MAP3K7: variants seen among roughly 807,000 people sequenced by gnomAD.
MAP3K7 encodes TGF-beta activated kinase 1.
MAP3K7 carries 21 observed loss-of-function variants against 84.8 expected under a neutral mutation model. The observed-to-expected ratio is 0.25, with a 90% CI of 0.18 to 0.36. The LOEUF is 0.36. MAP3K7 is among the 10% of genes least tolerant of loss of function. The probability of loss-of-function intolerance (pLI) is 1.00; values close to 1 mark genes in which losing one functional copy is unlikely to be tolerated. For synonymous variants in MAP3K7, 241 were observed against 247.7 expected, an observed-to-expected ratio of 0.97 and a Z score of 0.25; for missense variants, 503 against 747.7, an observed-to-expected ratio of 0.67 and a Z score of 3.82.
chr6:90,527,139 C>A (rs1218644313), intron 13 of MAP3K7, among the ~76,000 whole-genome samples: 1 of 152,190 alleles, frequency 6.6e-6, no homozygotes, highest in African/African-American at 2.4e-5. Context: ...TTAATCACAT[C>A]AACAGATTAA....
In MAP3K7 at chr6:90,552,122, C is replaced by T. The variant is rs746745976; in HGVS notation, c.794G>A (p.Arg265His). The change falls in exon 8 of 17, where the codon CGT becomes CAT. Residue 265 changes from arginine (R) to histidine (H), a missense_variant. Physicochemically the swap from Arg to His is conservative, Grantham distance 29. This residue lies in a region of MAP3K7 where 286 missense variants were observed against 313.6 expected (regional missense o/e 0.91). Transcript: ENST00000369329. ...CTGGGAAGGATCTTTAGACCAACAA[C>T]GAGTCATCAGGCTCTCAATGGGCTT... is the stretch of plus-strand genomic sequence containing the variant. The part of the protein sequence containing the change: ...LPKPIESLMT[R>H]CWSKDPSQRP... 58 of 1,612,726 alleles carry T rather than the reference C, an allele frequency of 3.6e-5. No homozygotes were observed. Among genetic ancestry groups the T allele is most frequent in the Middle Eastern group, 3.3e-4 (2 of 6,080 alleles).
intron 1 of MAP3K7, among the ~76,000 whole-genome samples, chr6:90,578,772 T>C (rs1777170277): frequency 6.6e-6 from 1 of 152,214 alleles, no homozygotes; most frequent in Non-Finnish European, 1.5e-5. Flanking sequence ...AGGTGCTACG[T>C]AGCATAAAAA....
At chr6:90,535,256 A>C (rs1260370801) in intron 13 of MAP3K7, among the ~76,000 whole-genome samples, 3 of 151,970 alleles carry the variant, frequency 2.0e-5, no homozygotes, top group East Asian at 1.9e-4. Flanking sequence ...ATGACTACAA[A>C]GGATCTCCCA....
At chr6:90,548,541 A>T (rs1776077445) in intron 9 of MAP3K7, among the ~76,000 whole-genome samples, 1 of 152,128 alleles carries the variant, frequency 6.6e-6, no homozygotes, top group Admixed American at 6.5e-5. Context: ...TTTCTAGTAG[A>T]TGTAAAGGAA....
Position 90,536,555 on chromosome 6 carries a change from A to G in MAP3K7, c.1292-154T>C, listed in dbSNP as rs919330130. ...AAGTGAGTTTATTGCTAAGAAAAAA[A>G]AAAAAGAAGAGAAAGATGTAAAGAA... On this transcript the variant is annotated intron_variant, in intron 12 of 16. Coordinates refer to ENST00000369329, the MANE Select transcript of MAP3K7 (RefSeq NM_145331.3). 3 of 599,030 alleles carry G rather than the reference A, an allele frequency of 5.0e-6. No homozygotes were observed. In the Admixed American group the frequency reaches 8.9e-5, roughly 18 times the overall value. The allele number at this position is 599,030 out of a possible 1,614,324, so 37.1% of individuals were successfully genotyped here.
chr6:90,586,679 C>A, intron 1 of MAP3K7, 85 bp downstream of exon 1: 11 of 1,505,054 alleles, frequency 7.3e-6, no homozygotes, highest in Non-Finnish European at 9.7e-6. Context: ...AGAGGGGCCC[C>A]GGGAGGCACC....
At chr6:90,516,739 T>A in intron 16 of MAP3K7, 58 bp from the exon 17 acceptor site, 1 of 1,357,980 alleles carries the variant, frequency 7.4e-7, no homozygotes, top group Non-Finnish European at 1.0e-6. Flanking sequence ...CCTTAGTAGC[T>A]GATGATGGAA....
chr6:90,586,949 C>G lies in MAP3K7; in HGVS notation c.-66G>C. On this transcript the variant is annotated 5_prime_UTR_variant, in exon 1 of 17. Transcript: ENST00000369329. ...CCGGACAATCCGGGTGAGACCCGCG[C>G]CCACCCGCCTCCGGACCGACCCTCA... The G allele has an allele frequency of 1.3e-6, 2 of 1,490,316 alleles. No homozygotes were observed. Among genetic ancestry groups the G allele is most frequent in the Non-Finnish European group, 8.9e-7 (1 of 1,128,074 alleles). 92.3% of individuals were successfully genotyped at this position (1,490,316 alleles called of 1,614,324 possible). A position where few individuals can be genotyped will look rare whatever the true frequency, so the allele number is the denominator to read the frequency against.
intron 11 of MAP3K7, among the ~76,000 whole-genome samples, chr6:90,545,701 C>T (rs964177603): frequency 7.9e-5 from 12 of 152,146 alleles, no homozygotes; most frequent in African/African-American, 2.4e-4. Context: ...GTGGCAGACA[C>T]AGCTATCTTC....
chr6:90,561,076 A>G (rs959280505), intron 4 of MAP3K7, among the ~76,000 whole-genome samples: 9 of 150,874 alleles, frequency 6.0e-5, no homozygotes, highest in Middle Eastern at 3.5e-3. Context: ...ATAAAATGTA[A>G]CAATTTGTTT....
chr6:90,525,359 T>C (rs1484079246), intron 13 of MAP3K7, among the ~76,000 whole-genome samples: 1 of 152,170 alleles, frequency 6.6e-6, no homozygotes, highest in Non-Finnish European at 1.5e-5. Flanking sequence ...TTTTAAAAAC[T>C]AATTTTTTTT....
At chr6:90,582,794 A>C (rs774881377) in intron 1 of MAP3K7, among the ~76,000 whole-genome samples, 1 of 151,852 alleles carries the variant, frequency 6.6e-6, no homozygotes, top group African/African-American at 2.4e-5. Flanking sequence ...TTTGTGGTCT[A>C]TAGTTAACTG....
intron 2 of MAP3K7, 135 bp downstream of exon 2, chr6:90,571,562 C>T (rs1406826529): frequency 6.2e-6 from 3 of 482,050 alleles, no homozygotes; most frequent in African/African-American, 6.1e-5. Context: ...ATGGCAGTAC[C>T]TTTGATTAAA....
rs772019658 is a variant in MAP3K7, at chr6:90,547,374, C to T, written c.1094G>A (p.Arg365His). ...NQAKQQSESG[R>H]LSLGASRGSS... ...CCCACGGGAGGCTCCCAAGCTTAAA[C>T]GTCCAGATTCACTCTGTTAAAATTA... The change falls in exon 11 of 17, where the codon CGT (arginine) becomes CAT (histidine). Residue 365 changes from arginine (R) to histidine (H), a missense_variant. This residue lies in a region of MAP3K7 where 286 missense variants were observed against 313.6 expected (regional missense o/e 0.91). Transcript: ENST00000369329. 6.2e-6 allele frequency: 10 copies of T among 1,610,540 alleles called. No individual in the cohort carries two copies. In the African/African-American group the frequency reaches 6.7e-5, roughly 11 times the overall value.
chr6:90,539,040 A>T (rs1029790240), intron 12 of MAP3K7, among the ~76,000 whole-genome samples: 2 of 151,916 alleles, frequency 1.3e-5, no homozygotes, highest in Non-Finnish European at 2.9e-5. Context: ...CATGTGTAAA[A>T]TACCCAAGAT....
rs548847266 is a variant in MAP3K7 at position 90,525,545 on chromosome 6, G to A, written c.1357-1762C>T. Among the ~76,000 whole-genome samples the A allele has an allele frequency of 4.6e-5, 7 of 151,424 alleles. No individual in the cohort carries two copies. In the East Asian group the frequency reaches 1.4e-3, roughly 29 times the overall value. ...AATAGATAAATCAAAAAACTGCAAG[G>A]AAAAAGGACATATCCACCATCACAG... On this transcript the variant is annotated intron_variant, in intron 13 of 16. Coordinates refer to ENST00000369329, the MANE Select transcript of MAP3K7 (RefSeq NM_145331.3).
chr6:90,545,547 G>A (rs1488721047), intron 11 of MAP3K7, among the ~76,000 whole-genome samples: 1 of 152,108 alleles, frequency 6.6e-6, no homozygotes, highest in Non-Finnish European at 1.5e-5. Flanking sequence ...CAAAGCATGA[G>A]GGTATGTCCC....
chr6:90,535,032 C>T (rs972231667), intron 13 of MAP3K7, among the ~76,000 whole-genome samples: 4 of 152,044 alleles, frequency 2.6e-5, no homozygotes, highest in African/African-American at 9.7e-5. Context: ...AAAAAACTAT[C>T]ACTAAATAAT....
intron 12 of MAP3K7, among the ~76,000 whole-genome samples, chr6:90,543,477 T>C (rs1466281970): frequency 6.6e-6 from 1 of 152,090 alleles, no homozygotes; most frequent in Non-Finnish European, 1.5e-5. Flanking sequence ...ATGCTTAATA[T>C]GTGAAGCACT....
Sources: allele counts gnomAD v4.1 joint callset (sites outside exome capture counted in the v4.1 genomes callset), GRCh38; gene constraint gnomAD v4.1.1; regional missense constraint gnomAD v4.1.1; transcripts MANE v1.5; gene names NCBI Gene and HGNC (gene_info 2026-07-23, HGNC 2026-07-21).